The following RB1 variants were observed in gnomAD, a reference collection of about 807,000 sequenced individuals.
RB1 encodes retinoblastoma-associated protein.
In RB1, 18 loss-of-function variants were observed where a neutral mutation model predicts 135.4. That is an observed-to-expected ratio of 0.13 (90% confidence interval 0.09 to 0.20). The LOEUF (loss-of-function observed/expected upper bound fraction) is 0.20, where lower values mean the gene tolerates loss of function less well. Among genes scored for constraint, RB1 ranks in the 10% least tolerant of loss-of-function variants. The probability of loss-of-function intolerance (pLI) is 1.00; values close to 1 mark genes in which losing one functional copy is unlikely to be tolerated. For missense variants in RB1, 868 were observed against 1,110.0 expected (o/e 0.78, Z 3.10); for synonymous variants, 365 against 373.2 (o/e 0.98, Z 0.25).
intron 20 of RB1, 65 bp from the exon 21 acceptor site, chr13:48,463,666 G>T (rs977746254): frequency 1.0e-6 from 1 of 1,004,650 alleles, no homozygotes; most frequent in South Asian, 1.3e-5. Flanking sequence ...AAAGAAAATG[G>T]TATTTTTTAA....
In RB1 at chr13:48,431,651, G is replaced by T. The variant is rs138736411; in HGVS notation, c.1696-21342G>T. On this transcript the variant is annotated intron_variant, in intron 17 of 26. Transcript: ENST00000267163. ...TGAGGGTTTCCTGTCTATACTAGAA[G>T]ATACGAGCACTACTCCAGAAAGGTT... is the stretch of plus-strand genomic sequence containing the variant. Among the ~76,000 whole-genome samples the T allele has an allele frequency of 5.2e-4, 79 of 152,246 alleles. 1 individual carries two copies. Among genetic ancestry groups the T allele is most frequent in the Admixed American group, 2.4e-3 (37 of 15,286 alleles).
At position 48,319,243 on chromosome 13, in the gene RB1, G is replaced by A. The variant is rs746898789; in HGVS notation, c.264+11837G>A. On this transcript the variant is annotated intron_variant, in intron 2 of 26. Coordinates refer to ENST00000267163, the MANE Select transcript of RB1 (RefSeq NM_000321.3). The surrounding 1 kb of genome is among the most constrained non-coding windows in gnomAD (Gnocchi z 5.0). ...CTGGGTGTTTTCCTGTGGGTCTCGCGCAAGGCACTTTTTTGTGGCGCTGCT... is the reference window on the plus strand; with the variant it reads ...CTGGGTGTTTTCCTGTGGGTCTCGCACAAGGCACTTTTTTGTGGCGCTGCT... 10 of 808,992 alleles carry A rather than the reference G, an allele frequency of 1.2e-5. No homozygotes were observed. Among genetic ancestry groups the A allele is most frequent in the Non-Finnish European group, 1.9e-5 (10 of 537,958 alleles). 50.1% of individuals were successfully genotyped at this position (808,992 alleles called of 1,614,324 possible). A position where few individuals can be genotyped will look rare whatever the true frequency, so the allele number is the denominator to read the frequency against.
Position 48,381,429 on chromosome 13 carries a change from C to T in RB1, c.1681C>T (p.Leu561Phe), listed in dbSNP as rs761257231. ...ERCEHRIMES[L>F]AWLSDSPLFD... ...ATGTGAACATCGAATCATGGAATCCCTTGCATGGCTCTCAGTAAGTAGCTA... is the reference window on the plus strand; with the variant it reads ...ATGTGAACATCGAATCATGGAATCCTTTGCATGGCTCTCAGTAAGTAGCTA... Residue 561 changes from leucine (L) to phenylalanine (F), a missense_variant, in exon 17 of 27, where the codon CTT becomes TTT. Physicochemically the swap from Leu to Phe is conservative, Grantham distance 22. Coordinates refer to ENST00000267163, the MANE Select transcript of RB1 (RefSeq NM_000321.3). The T allele has an allele frequency of 3.7e-6, 6 of 1,613,352 alleles. No homozygotes were observed. The Admixed American group carries it at 6.7e-5, about 18-fold the overall frequency.
At chr13:48,410,289 A>G (rs944521313) in intron 17 of RB1, among the ~76,000 whole-genome samples, 13 of 152,242 alleles carry the variant, frequency 8.5e-5, no homozygotes, top group African/African-American at 3.1e-4. Context: ...ATTTAGATAC[A>G]CAAGTACCAT....
chr13:48,316,718 ATCACACACAC>A (rs1952186304), intron 2 of RB1: 1 of 112,044 alleles, frequency 8.9e-6, no homozygotes, highest in Admixed American at 1.1e-4. Context: ...CCACAGAACC[ATCACACACAC>A]ACACACACAC....
At position 48,348,976 on chromosome 13, in the gene RB1, C is replaced by G. The variant is rs770277291; in HGVS notation, c.560C>G (p.Ser187Cys). The change falls in exon 6 of 27, where the codon TCT becomes TGT. Residue 187 changes from serine (S) to cysteine (C), a missense_variant. Ser to Cys is a moderately radical substitution (Grantham distance 112). Around this residue, in one of 3 missense-constraint regions of RB1, gnomAD observed 641 missense variants for 791.3 expected, o/e 0.81. Transcript: ENST00000267163. The stretch of plus-strand genomic sequence containing the variant: ...AATAGGATATCTACTGAAATAAATT[C>G]TGCATTGGTGCTAAAAGTTTCTTGG... ...PSSSISTEIN[S>C]ALVLKVSWIT... 1.2e-6 allele frequency: 2 copies of G among 1,601,418 alleles called. No individual in the cohort carries two copies. Among genetic ancestry groups the G allele is most frequent in the African/African-American group, 2.7e-5 (2 of 74,614 alleles).
chr13:48,362,782 C>G (rs909103756), intron 7 of RB1, 33 bp from the exon 8 acceptor site: 1 of 1,596,272 alleles, frequency 6.3e-7, no homozygotes, highest in Non-Finnish European at 8.6e-7. Context: ...GATGGATGTA[C>G]AATTGTTCTT....
chr13:48,456,415 T>A, intron 19 of RB1, 66 bp downstream of exon 19: 2 of 1,576,886 alleles, frequency 1.3e-6, no homozygotes, highest in Admixed American at 3.6e-5. Context: ...CAAATCATGT[T>A]TCTTCTACTT....
At chr13:48,373,625 C>T (rs1000040287) in intron 12 of RB1, 133 bp downstream of exon 12, 2 of 588,026 alleles carry the variant, frequency 3.4e-6, no homozygotes, top group African/African-American at 3.8e-5. Context: ...TCTTTTCTTG[C>T]TTTTTTAATC....
At chr13:48,325,935 G>C (rs929012604) in intron 2 of RB1, among the ~76,000 whole-genome samples, 3 of 152,030 alleles carry the variant, frequency 2.0e-5, no homozygotes, top group Non-Finnish European at 4.4e-5. Flanking sequence ...TTTGCTCATA[G>C]AATAGTCTTT....
At position 48,441,839 on chromosome 13, in the gene RB1, G is replaced by A. The variant is rs4151575; in HGVS notation, c.1696-11154G>A. On this transcript the variant is annotated intron_variant, in intron 17 of 26. Transcript: ENST00000267163. ...TGTGGTATAGAGATCCTAGTTAAGA[G>A]GCAGGAATTATTTAAAAATGACTTT... Among the ~76,000 whole-genome samples the A allele has an allele frequency of 4.0e-3, 611 of 152,138 alleles. 2 individuals are homozygous for A. Among genetic ancestry groups the A allele is most frequent in the Non-Finnish European group, 7.0e-3 (473 of 67,998 alleles).
rs529162723 is a variant in RB1 at position 48,361,342 on chromosome 13, T to G, written c.718+1215T>G. 6.6e-5 allele frequency among the ~76,000 whole-genome samples: 10 copies of G among 152,244 alleles called. No individual in the cohort carries two copies. In the East Asian group the frequency reaches 1.5e-3, roughly 23 times the overall value. On this transcript the variant is annotated intron_variant, in intron 7 of 26. Transcript: ENST00000267163. ...GAATATGGTAACTCTTAGTTAATTT[T>G]TGTTGTAGAGAATTTCAAATGAATA...
At chr13:48,415,477 A>G (rs1167016641) in intron 17 of RB1, among the ~76,000 whole-genome samples, 1 of 151,776 alleles carries the variant, frequency 6.6e-6, no homozygotes, top group East Asian at 1.9e-4. Flanking sequence ...ATAGGGTTTT[A>G]CCATGTGGCC....
rs1949432659 is a variant in RB1 at position 48,465,253 on chromosome 13, T to G, written c.2374T>G (p.Phe792Val). ...TCACATTCCTCGAAGCCCTTACAAG[T>G]TTCCTAGTTCACCCTTACGGATTCC... Reference protein sequence around the residue: ...IPHIPRSPYKFPSSPLRIPGG... With the variant: ...IPHIPRSPYKVPSSPLRIPGG... The change falls in exon 23 of 27, where the codon TTT becomes GTT. Residue 792 changes from phenylalanine to valine, a missense_variant. By Grantham distance (50) the Phe-to-Val change is conservative. This residue lies in a region of RB1 where 196 missense variants were observed against 239.8 expected (regional missense o/e 0.82). Coordinates refer to ENST00000267163, the MANE Select transcript of RB1 (RefSeq NM_000321.3). The G allele has an allele frequency of 6.2e-7, 1 of 1,613,944 alleles. No homozygotes were observed. The highest frequency in any genetic ancestry group is 8.5e-7 in the Non-Finnish European group (1 of 1,179,850).
chr13:48,317,189 G>T, intron 2 of RB1: 1 of 558,328 alleles, frequency 1.8e-6, no homozygotes, highest in Non-Finnish European at 2.8e-6. Context: ...GCAGCCCCAT[G>T]TCGGGCTGAA....
At chr13:48,377,166 C>A in intron 13 of RB1, 132 bp downstream of exon 13, 1 of 944,414 alleles carries the variant, frequency 1.1e-6, no homozygotes, top group Non-Finnish European at 1.6e-6. Context: ...TATATCCCTG[C>A]TGCCTGTGTA....
rs1051833520 is a variant in RB1, at chr13:48,450,099, T to A, written c.1696-2894T>A. Among the ~76,000 whole-genome samples, 17 of 151,444 alleles carry A rather than the reference T, an allele frequency of 1.1e-4. No individual in the cohort carries two copies. The East Asian group carries it at 1.2e-3, about 10-fold the overall frequency. On this transcript the variant is annotated intron_variant, in intron 17 of 26. Coordinates refer to ENST00000267163, the MANE Select transcript of RB1 (RefSeq NM_000321.3). ...CACTCTGATGATATATATATATTTTTTTTTTTTTGCTGTGCAGAAGCTGTT... is the reference window on the plus strand; with the variant it reads ...CACTCTGATGATATATATATATTTTATTTTTTTTGCTGTGCAGAAGCTGTT...
At position 48,464,969 on chromosome 13, in the gene RB1, T is replaced by C; in HGVS notation, c.2212-29T>C. The C allele has an allele frequency of 7.3e-7, 1 of 1,373,564 alleles. No homozygotes were observed. The highest frequency in any genetic ancestry group is 1.4e-5 in the South Asian group (1 of 69,096). 85.1% of individuals were successfully genotyped at this position (1,373,564 alleles called of 1,614,324 possible). On this transcript the variant is annotated intron_variant, in intron 21 of 26. Transcript: ENST00000267163. The stretch of plus-strand genomic sequence containing the variant: ...ACAAGTAAATTTTACTTTTTTTTTT[T>C]TTTTTTTTTTTTTACTGTTCTTCCT...
At chr13:48,474,128 C>A (rs992696641) in intron 24 of RB1, among the ~76,000 whole-genome samples, 1 of 152,136 alleles carries the variant, frequency 6.6e-6, no homozygotes, top group Non-Finnish European at 1.5e-5. Context: ...ACCTTCCTAG[C>A]ACTTAGACAT....
Sources: gnomAD v4.1 joint callset for allele counts (sites outside exome capture counted in the v4.1 genomes callset) on GRCh38, gnomAD v4.1.1 for gene constraint, gnomAD v4.1.1 regional missense constraint, Gnocchi (gnomAD v3.1) non-coding constraint, MANE v1.5 for transcripts, NCBI Gene and HGNC (gene_info 2026-07-23, HGNC 2026-07-21) for gene names.